PTPRN: variants seen among roughly 807,000 people sequenced by gnomAD.
PTPRN encodes receptor-type tyrosine-protein phosphatase-like N.
Under a neutral mutation model 108.5 loss-of-function variants are expected in PTPRN, and 70 were observed. The ratio of observed to expected loss-of-function variants is 0.65; its 90% CI spans 0.53 to 0.79. The LOEUF is 0.79. Among genes scored for constraint, PTPRN ranks in the 30% least tolerant of loss-of-function variants. The pLI is 0.00. For missense variants in PTPRN, 1,136 were observed against 1,295.5 expected (o/e 0.88, Z 1.89); for synonymous variants, 496 against 524.6 (o/e 0.95, Z 0.75).
intron 6 of PTPRN, 23 bp from the exon 7 acceptor site, chr2:219,301,742 CT>C: frequency 6.3e-7 from 1 of 1,592,882 alleles, no homozygotes; most frequent in Non-Finnish European, 8.6e-7. Flanking sequence ...AGACACAGAG[CT>C]TAGGGCTGAT....
chr2:219,299,252 C>T, intron 11 of PTPRN, 53 bp downstream of exon 11: 1 of 1,604,920 alleles, frequency 6.2e-7, no homozygotes, highest in African/African-American at 1.3e-5. Context: ...GATATATCCT[C>T]TTAGGAGTGG....
chr2:219,300,210 C>T lies in PTPRN; in HGVS notation c.1211G>A (p.Arg404His), dbSNP rs756452786. The part of the protein sequence containing the change: ...EGRDTAELPA[R>H]TSPMPGHPTA... The stretch of plus-strand genomic sequence containing the variant: ...GGGGTGTCCAGGCATGGGGGATGTG[C>T]GGGCTGGAAGCTCTGCTGTGTCTCT... Residue 404 changes from arginine to histidine, a missense_variant, in exon 9 of 23, where the codon CGC becomes CAC. Physicochemically the swap from Arg to His is conservative, Grantham distance 29 (BLOSUM62 0). Coordinates refer to ENST00000295718, the MANE Select transcript of PTPRN (RefSeq NM_002846.4). The T allele has an allele frequency of 1.2e-5, 19 of 1,602,972 alleles. No individual in the cohort carries two copies. In the Admixed American group the frequency reaches 1.4e-4, roughly 11 times the overall value.
At chr2:219,291,799 A>G in intron 19 of PTPRN, 1 of 534,236 alleles carries the variant, frequency 1.9e-6, no homozygotes, top group South Asian at 2.1e-5. Context: ...TCTTACCTGT[A>G]AAATGGAGGA....
rs1251750769 is a variant in PTPRN, at chr2:219,297,177, G to C, written c.2089-45C>G. The stretch of plus-strand genomic sequence containing the variant: ...TGGCTCTGGCCCACACAGCCAGCCT[G>C]GCCTCTCTCACCATCCCATTCCTTC... On this transcript the variant is annotated intron_variant, in intron 14 of 22. Coordinates refer to ENST00000295718, the MANE Select transcript of PTPRN (RefSeq NM_002846.4). This position sits in a 1 kb window ranked among gnomAD's most constrained non-coding sequence, Gnocchi z 6.0. 1 of 1,611,430 alleles carries C rather than the reference G, an allele frequency of 6.2e-7. No individual in the cohort carries two copies. Among genetic ancestry groups the C allele is most frequent in the East Asian group, 2.2e-5 (1 of 44,828 alleles).
In PTPRN at chr2:219,290,178, G is replaced by A. The variant is rs752585064; in HGVS notation, c.*48C>T. On this transcript the variant is annotated 3_prime_UTR_variant, in exon 23 of 23. Coordinates refer to ENST00000295718, the MANE Select transcript of PTPRN (RefSeq NM_002846.4). The surrounding 1 kb of genome is among the most constrained non-coding windows in gnomAD (Gnocchi z 4.2). ...GTGGGTACACAGAGATGCTCACACA[G>A]GCAAAGAGGGACAGAGGCTGGGCTG... 3 of 1,533,778 alleles carry A rather than the reference G, an allele frequency of 2.0e-6. No individual in the cohort carries two copies. Among genetic ancestry groups the A allele is most frequent in the South Asian group, 2.2e-5 (2 of 89,276 alleles).
chr2:219,290,348 T>A lies in PTPRN; in HGVS notation c.2869-51A>T. Reference sequence around the variant, plus strand: ...TCATGGAGAGGGCTGACCTGTGCTCTGCCCTCAAGATGGGGGGCTTTTGGT... The same window carrying A: ...TCATGGAGAGGGCTGACCTGTGCTCAGCCCTCAAGATGGGGGGCTTTTGGT... On this transcript the variant is annotated intron_variant, in intron 22 of 22. Coordinates refer to ENST00000295718, the MANE Select transcript of PTPRN (RefSeq NM_002846.4). This position sits in a 1 kb window ranked among gnomAD's most constrained non-coding sequence, Gnocchi z 4.2. 4 of 1,234,958 alleles carry A rather than the reference T, an allele frequency of 3.2e-6. No homozygotes were observed. Among genetic ancestry groups the A allele is most frequent in the Non-Finnish European group, 4.7e-6 (4 of 855,390 alleles). The allele number at this position is 1,234,958 out of a possible 1,614,324, so 76.5% of individuals were successfully genotyped here.
intron 4 of PTPRN, among the ~76,000 whole-genome samples, chr2:219,303,355 A>C (rs1264226465): frequency 6.6e-6 from 1 of 152,194 alleles, no homozygotes; most frequent in Non-Finnish European, 1.5e-5. Flanking sequence ...ATGCCTTTAG[A>C]GGCCCTAACC....
intron 4 of PTPRN, 118 bp downstream of exon 4, chr2:219,303,617 C>T: frequency 1.1e-6 from 1 of 899,832 alleles, no homozygotes; most frequent in South Asian, 1.4e-5. Flanking sequence ...CACCTCTTTA[C>T]CTGTGCCCCA....
chr2:219,303,600 A>C, intron 4 of PTPRN, 135 bp downstream of exon 4: 1 of 790,042 alleles, frequency 1.3e-6, no homozygotes. Flanking sequence ...GAGAGTGACC[A>C]TTCCTGCACC....
Position 219,299,059 on chromosome 2 carries a change from T to C in PTPRN, c.1656A>G (p.Thr552=), listed in dbSNP as rs746578735. Residue 552 remains threonine (T), a synonymous_variant, in exon 12 of 23, where the codon ACA becomes ACG. Coordinates refer to ENST00000295718, the MANE Select transcript of PTPRN (RefSeq NM_002846.4). ...AGTTAGCGCATACCTGTCCCACTCC[T>C]GTCTGCAAGATTTGGAGCCCTGTCT... ...EAQTGLQILQ[T]GVGQREEAAA... is the part of the protein sequence containing the mutation. 1.2e-6 allele frequency: 2 copies of C among 1,614,236 alleles called. No individual in the cohort carries two copies.
chr2:219,296,607 G>T lies in PTPRN; in HGVS notation c.2311-91C>A, dbSNP rs1952202540. 2 of 1,569,774 alleles carry T rather than the reference G, an allele frequency of 1.3e-6. No individual in the cohort carries two copies. Among genetic ancestry groups the T allele is most frequent in the African/African-American group, 2.7e-5 (2 of 73,990 alleles). On this transcript the variant is annotated intron_variant, in intron 16 of 22. Coordinates refer to ENST00000295718, the MANE Select transcript of PTPRN (RefSeq NM_002846.4). This position sits in a 1 kb window ranked among gnomAD's most constrained non-coding sequence, Gnocchi z 6.0. ...AGCAAGTGGGTCAGGGTCTGAGAAG[G>T]CTGGCAGTTCCCCCTTGCTAGGATA...
At chr2:219,302,033 C>A in intron 6 of PTPRN, 104 bp downstream of exon 6, 1 of 1,101,200 alleles carries the variant, frequency 9.1e-7, no homozygotes, top group Non-Finnish European at 1.3e-6. Context: ...GTATGAATGA[C>A]TTTAAGGACA....
chr2:219,302,222 G>A lies in PTPRN; in HGVS notation c.909C>T (p.Ser303=). 1 of 1,614,026 alleles carries A rather than the reference G, an allele frequency of 6.2e-7. No homozygotes were observed. ...VPRLPEQGSS[S]RAEDSPEGYE... ...AGCCCTCTGGGGAGTCCTCTGCCCG[G>A]CTGCTGCTCCCTTGCTCTGGCAGCC... Residue 303 remains serine (S), a synonymous_variant, in exon 6 of 23, where the codon AGC becomes AGT. Transcript: ENST00000295718.
At chr2:219,298,171 C>G (rs1001150004) in intron 12 of PTPRN, 68 bp from the exon 13 acceptor site, 1 of 1,472,032 alleles carries the variant, frequency 6.8e-7, no homozygotes, top group Non-Finnish European at 9.3e-7. Flanking sequence ...CTCCTCACCC[C>G]GGTCCCATGC....
Position 219,290,657 on chromosome 2 carries a change from G to A in PTPRN, c.2795-46C>T, listed in dbSNP as rs2125087251. ...GGGGCTGCTCAGGGGGTGTCCAGAG[G>A]AGGACAGGACCCAGAAAACCTGAGG... On this transcript the variant is annotated intron_variant, in intron 21 of 22. Transcript: ENST00000295718. This position sits in a 1 kb window ranked among gnomAD's most constrained non-coding sequence, Gnocchi z 4.2. 1 of 1,527,602 alleles carries A rather than the reference G, an allele frequency of 6.5e-7. No homozygotes were observed. The highest frequency in any genetic ancestry group is 8.9e-7 in the Non-Finnish European group (1 of 1,124,460). 94.6% of individuals were successfully genotyped at this position (1,527,602 alleles called of 1,614,324 possible).
At chr2:219,304,295 G>A (rs1405094472) in intron 3 of PTPRN, among the ~76,000 whole-genome samples, 1 of 152,114 alleles carries the variant, frequency 6.6e-6, no homozygotes, top group Non-Finnish European at 1.5e-5. Context: ...TTTGTAAAGT[G>A]GAAACGATAC....
In PTPRN at chr2:219,299,812, G is replaced by A. The variant is rs372956720; in HGVS notation, c.1437-26C>T. ...CTGGAGATGGGAGAAGGCAGAGGAA[G>A]GAAAGTGGGGCAACCCTCTCAGTCA... is the stretch of plus-strand genomic sequence containing the variant. On this transcript the variant is annotated intron_variant, in intron 9 of 22. Transcript: ENST00000295718. 57 of 1,587,292 alleles carry A rather than the reference G, an allele frequency of 3.6e-5. No homozygotes were observed. In the South Asian group the frequency reaches 6.4e-4, roughly 18 times the overall value.
chr2:219,296,880 C>G lies in PTPRN; in HGVS notation c.2237-58G>C. ...CCTCTGGTCATTGGCATCGCGGGAC[C>G]TCTGCCACTCAGCCTGAGCCAGAAG... On this transcript the variant is annotated intron_variant, in intron 15 of 22. Transcript: ENST00000295718. The surrounding 1 kb of genome is among the most constrained non-coding windows in gnomAD (Gnocchi z 6.0). The G allele has an allele frequency of 6.2e-7, 1 of 1,613,388 alleles. No homozygotes were observed. The highest frequency in any genetic ancestry group is 8.5e-7 in the Non-Finnish European group (1 of 1,179,488).
chr2:219,300,345 C>G, intron 8 of PTPRN, 86 bp from the exon 9 acceptor site: 3 of 1,406,556 alleles, frequency 2.1e-6, no homozygotes, highest in Non-Finnish European at 2.8e-6. Context: ...CAGTGGAGCT[C>G]AGGACCTGCT....
Sources: gnomAD v4.1 joint callset for allele counts (sites outside exome capture counted in the v4.1 genomes callset) on GRCh38, gnomAD v4.1.1 for gene constraint, Gnocchi (gnomAD v3.1) non-coding constraint, MANE v1.5 for transcripts, NCBI Gene and HGNC (gene_info 2026-07-23, HGNC 2026-07-21) for gene names.